Variants in ANK3 observed in about 807,000 individuals in gnomAD.
ANK3 encodes the protein ankyrin 3.
Under a neutral mutation model 370.9 loss-of-function variants are expected in ANK3, and 57 were observed. The ratio of observed to expected loss-of-function variants is 0.15; its 90% CI spans 0.12 to 0.19. The LOEUF (loss-of-function observed/expected upper bound fraction) is 0.19, where lower values mean the gene tolerates loss of function less well. ANK3 is among the 10% of genes least tolerant of loss of function. The pLI, the probability that ANK3 is intolerant of heterozygous loss-of-function variation, is 1.00. For synonymous variants in ANK3, 1,929 were observed against 1,946.3 expected, an observed-to-expected ratio of 0.99 and a Z score of 0.23; for missense variants, 4,439 against 5,302.1, an observed-to-expected ratio of 0.84 and a Z score of 5.06.
chr10:60,584,840 C>G (rs1425514479), intron 2 of ANK3, among the ~76,000 whole-genome samples: 1 of 152,058 alleles, frequency 6.6e-6, no homozygotes. Context: ...GACGAATATT[C>G]ATTAAGTCTC....
At chr10:60,645,950 G>A (rs529682110) in intron 1 of ANK3, among the ~76,000 whole-genome samples, 1 of 152,266 alleles carries the variant, frequency 6.6e-6, no homozygotes, top group South Asian at 2.1e-4. Context: ...AATTAGAGTT[G>A]TGATAAATGC....
At chr10:60,231,531 G>A (rs188870981) in intron 8 of ANK3, among the ~76,000 whole-genome samples, 5 of 152,186 alleles carry the variant, frequency 3.3e-5, no homozygotes, top group Admixed American at 6.5e-5. Flanking sequence ...AGGGGCTACC[G>A]GACTGGGTAG....
intron 2 of ANK3, among the ~76,000 whole-genome samples, chr10:60,570,153 A>C (rs1168479278): frequency 6.6e-6 from 1 of 152,134 alleles, no homozygotes; most frequent in Non-Finnish European, 1.5e-5. Context: ...TTCTTAGTAA[A>C]CTCTGATCAG....
intron 2 of ANK3, among the ~76,000 whole-genome samples, chr10:60,418,510 T>A (rs2063715380): frequency 6.6e-6 from 1 of 152,142 alleles, no homozygotes; most frequent in African/African-American, 2.4e-5. Context: ...TTTTATTCAT[T>A]TTTTAATGCC....
intron 38 of ANK3, among the ~76,000 whole-genome samples, chr10:60,066,236 T>A (rs1437410589): frequency 1.3e-5 from 2 of 152,128 alleles, no homozygotes; most frequent in Non-Finnish European, 2.9e-5. Flanking sequence ...GCAAAGACAC[T>A]GACACTAGGA....
chr10:60,437,887 T>G (rs1473099607), intron 2 of ANK3, among the ~76,000 whole-genome samples: 2 of 152,194 alleles, frequency 1.3e-5, no homozygotes, highest in Admixed American at 1.3e-4. Flanking sequence ...CTCCAGAATG[T>G]AGGTATTTCT....
At chr10:60,694,797 C>T (rs2079418160) in intron 1 of ANK3, among the ~76,000 whole-genome samples, 1 of 151,166 alleles carries the variant, frequency 6.6e-6, no homozygotes, top group Non-Finnish European at 1.5e-5. Context: ...AAAATCATGC[C>T]AAAATGTAAA....
chr10:60,199,356 T>A (rs1432361514), intron 13 of ANK3, among the ~76,000 whole-genome samples: 1 of 152,084 alleles, frequency 6.6e-6, no homozygotes, highest in Non-Finnish European at 1.5e-5. Flanking sequence ...TGAGGGTCAA[T>A]GTCAAAGTAA....
At chr10:60,707,451 A>T (rs2079636324) in intron 1 of ANK3, among the ~76,000 whole-genome samples, 1 of 152,158 alleles carries the variant, frequency 6.6e-6, no homozygotes, top group Non-Finnish European at 1.5e-5. Context: ...AAGTGATTTA[A>T]ATCTAAAATC....
chr10:60,298,890 G>T (rs2043095852), intron 1 of ANK3, among the ~76,000 whole-genome samples: 1 of 152,130 alleles, frequency 6.6e-6, no homozygotes, highest in African/African-American at 2.4e-5. Context: ...GTCTAACTAT[G>T]TAATTTATGA....
intron 32 of ANK3, 160 bp downstream of exon 32, chr10:60,084,442 G>C: frequency 2.6e-6 from 1 of 386,932 alleles, no homozygotes; most frequent in Non-Finnish European, 4.4e-6. Flanking sequence ...AATTAAAAAA[G>C]ATAAAAAAAT....
At chr10:60,453,332 G>A (rs2064660916) in intron 2 of ANK3, among the ~76,000 whole-genome samples, 1 of 152,146 alleles carries the variant, frequency 6.6e-6, no homozygotes, top group Non-Finnish European at 1.5e-5. Context: ...GATGCTTTCT[G>A]GAGAAGAAAA....
At chr10:60,275,037 G>A (rs1374375883) in intron 4 of ANK3, among the ~76,000 whole-genome samples, 1 of 152,168 alleles carries the variant, frequency 6.6e-6, no homozygotes, top group Admixed American at 6.6e-5. Context: ...AATGGCACAT[G>A]GATTGGGAGA....
rs532273264 is a variant in ANK3 at position 60,333,832 on chromosome 10, C to T, written c.115-54193G>A. ...TGTTGTTTCCTGACTTTTTAATGAT[C>T]GCCATTCTCATAGTGTTTTTAAAGA... On this transcript the variant is annotated intron_variant, in intron 1 of 43. Coordinates refer to ENST00000280772, the MANE Select transcript of ANK3 (RefSeq NM_020987.5). Among the ~76,000 whole-genome samples, 219 of 152,260 alleles carry T rather than the reference C, an allele frequency of 1.4e-3. 2 individuals are homozygous for T. Among genetic ancestry groups the T allele is most frequent in the Admixed American group, 9.2e-3 (140 of 15,292 alleles).
chr10:60,426,042 A>G (rs141755851), intron 2 of ANK3, among the ~76,000 whole-genome samples: 5 of 152,178 alleles, frequency 3.3e-5, no homozygotes, highest in African/African-American at 1.2e-4. Context: ...AACCTTGGAG[A>G]TTATCTGGGG....
chr10:60,294,532 C>T (rs900234591), intron 1 of ANK3, among the ~76,000 whole-genome samples: 1 of 152,060 alleles, frequency 6.6e-6, no homozygotes, highest in African/African-American at 2.4e-5. Flanking sequence ...TGGTTTCATG[C>T]TGATTTTTTA....
intron 23 of ANK3, among the ~76,000 whole-genome samples, chr10:60,145,737 G>A (rs985886047): frequency 3.9e-5 from 6 of 152,210 alleles, no homozygotes; most frequent in Non-Finnish European, 7.4e-5. Flanking sequence ...ACCACAGTGC[G>A]CTGGCCATAC....
At chr10:60,030,604 A>C (rs1269424075) in intron 43 of ANK3, among the ~76,000 whole-genome samples, 1 of 152,166 alleles carries the variant, frequency 6.6e-6, no homozygotes, top group Non-Finnish European at 1.5e-5. Flanking sequence ...CTTATGTCTC[A>C]TGGCAGGATC....
At chr10:60,461,403 C>G (rs1334395421) in intron 2 of ANK3, among the ~76,000 whole-genome samples, 3 of 152,078 alleles carry the variant, frequency 2.0e-5, no homozygotes, top group Non-Finnish European at 2.9e-5. Context: ...ATAACTGGAT[C>G]AAAATGATAT....
Sources: allele counts gnomAD v4.1 joint callset (sites outside exome capture counted in the v4.1 genomes callset), GRCh38; gene constraint gnomAD v4.1.1; transcripts MANE v1.5; gene names NCBI Gene and HGNC (gene_info 2026-07-23, HGNC 2026-07-21).